The following ITIH5 variants were observed in gnomAD, a reference collection of about 807,000 sequenced individuals.
The protein encoded by ITIH5 is inter-alpha-trypsin inhibitor heavy chain H5.
A neutral mutation model predicts 77.5 loss-of-function variants in ITIH5; 65 were observed. The observed-to-expected ratio is 0.84, with a 90% CI of 0.69 to 1.03. The LOEUF (loss-of-function observed/expected upper bound fraction) is 1.03, where lower values mean the gene tolerates loss of function less well. Ranked by LOEUF, ITIH5 falls within the 50% of genes least tolerant of loss-of-function variation. The probability of loss-of-function intolerance (pLI) is 0.00; values close to 1 mark genes in which losing one functional copy is unlikely to be tolerated. For synonymous variants in ITIH5, 525 were observed against 494.3 expected (o/e 1.06, Z -0.82); for missense variants, 1,208 against 1,213.1 (o/e 1.00, Z 0.06).
intron 12 of ITIH5, among the ~76,000 whole-genome samples, chr10:7,568,986 G>GTTTTC (rs1167992589): frequency 7.1e-6 from 1 of 140,512 alleles, no homozygotes; most frequent in African/African-American, 2.7e-5. Context: ...ATATATTGTG[G>GTTTTC]TTTTCTTTTC....
At chr10:7,662,350 G>C (rs1207375751) in intron 1 of ITIH5, among the ~76,000 whole-genome samples, 1 of 149,704 alleles carries the variant, frequency 6.7e-6, no homozygotes, top group Non-Finnish European at 1.5e-5. Context: ...GAGTGAGACT[G>C]TCTCAAAAAA....
In ITIH5 at chr10:7,610,171, A is replaced by C. The variant is rs1334336136; in HGVS notation, c.939+5811T>G. Among the ~76,000 whole-genome samples, 3 of 145,652 alleles carry C rather than the reference A, an allele frequency of 2.1e-5. No individual in the cohort carries two copies. In the Admixed American group the frequency reaches 2.2e-4, roughly 11 times the overall value. On this transcript the variant is annotated intron_variant, in intron 7 of 13. Coordinates refer to ENST00000397146, the MANE Select transcript of ITIH5 (RefSeq NM_030569.7). ...CCCTGCCTGACCCAACACCACAGCCATCTCTCAACAAACTCATCTGCAAAA... is the reference window on the plus strand; with the variant it reads ...CCCTGCCTGACCCAACACCACAGCCCTCTCTCAACAAACTCATCTGCAAAA...
chr10:7,605,198 G>A (rs962444586), intron 7 of ITIH5, among the ~76,000 whole-genome samples: 7 of 151,520 alleles, frequency 4.6e-5, no homozygotes, highest in South Asian at 2.1e-4. Context: ...TTAGAGACAC[G>A]CTTTCTCCTG....
Position 7,587,610 on chromosome 10 carries a change from G to T in ITIH5, c.940-1541C>A, listed in dbSNP as rs138521089. On this transcript the variant is annotated intron_variant, in intron 7 of 13. Coordinates refer to ENST00000397146, the MANE Select transcript of ITIH5 (RefSeq NM_030569.7). ...CATCCATAAAATCAGGACAGTAATA[G>T]TACCTGCCTCATCAGGTTGTCATGA... is the stretch of plus-strand genomic sequence containing the variant. Among the ~76,000 whole-genome samples, 577 of 152,296 alleles carry T rather than the reference G, an allele frequency of 3.8e-3. 4 individuals carry two copies. The highest frequency in any genetic ancestry group is 0.014 in the African/African-American group (562 of 41,562).
chr10:7,638,661 A>C (rs1206878263), intron 4 of ITIH5, among the ~76,000 whole-genome samples: 2 of 152,276 alleles, frequency 1.3e-5, no homozygotes, highest in Non-Finnish European at 2.9e-5. Flanking sequence ...AATAAAGGTG[A>C]AAGCCAAGAA....
At chr10:7,616,595 A>AG (rs1833371977) in intron 6 of ITIH5, among the ~76,000 whole-genome samples, 1 of 152,140 alleles carries the variant, frequency 6.6e-6, no homozygotes, top group African/African-American at 2.4e-5. Context: ...TGGGAGGCTG[A>AG]GGGGGTCAGA....
At chr10:7,586,571 CG>C (rs1203400981) in intron 7 of ITIH5, among the ~76,000 whole-genome samples, 2 of 152,156 alleles carry the variant, frequency 1.3e-5, no homozygotes, top group Non-Finnish European at 2.9e-5. Context: ...TTCCCTTACT[CG>C]GTTGTGAGTT....
chr10:7,608,976 G>C (rs540575576), intron 7 of ITIH5, among the ~76,000 whole-genome samples: 97 of 152,326 alleles, frequency 6.4e-4, no homozygotes, highest in African/African-American at 2.2e-3. Context: ...CAAAAACAGA[G>C]CCTCAAAGCT....
chr10:7,560,976 T>C lies in ITIH5; in HGVS notation c.*2107A>G, dbSNP rs1267638444. On this transcript the variant is annotated 3_prime_UTR_variant, in exon 14 of 14. Coordinates refer to ENST00000397146, the MANE Select transcript of ITIH5 (RefSeq NM_030569.7). ...CAGAAAATACTATATTTTTTTTTTATCAAATGCAAAGGTCCTAACTATAAG... is the reference window on the plus strand; with the variant it reads ...CAGAAAATACTATATTTTTTTTTTACCAAATGCAAAGGTCCTAACTATAAG... 1 of 144,282 alleles carries C rather than the reference T, an allele frequency of 6.9e-6. No individual in the cohort carries two copies. Among genetic ancestry groups the C allele is most frequent in the East Asian group, 2.1e-4 (1 of 4,830 alleles). 8.9% of individuals were successfully genotyped at this position (144,282 alleles called of 1,614,324 possible).
At chr10:7,625,764 C>CA (rs376876834) in intron 5 of ITIH5, among the ~76,000 whole-genome samples, 14,153 of 117,688 alleles carry the variant, frequency 0.12, 801 homozygotes, top group African/African-American at 0.19. Context: ...TATTCTGTCT[C>CA]AAAAAAAAAA....
At chr10:7,572,398 A>T (rs1464346529) in intron 11 of ITIH5, 1 of 1,364,992 alleles carries the variant, frequency 7.3e-7, no homozygotes, top group Admixed American at 1.9e-5. Context: ...GAAGCCACGA[A>T]CTGAAAAAAA....
Position 7,637,216 on chromosome 10 carries a change from C to A in ITIH5, c.652+12G>T. On this transcript the variant is annotated intron_variant, in intron 5 of 13. Coordinates refer to ENST00000397146, the MANE Select transcript of ITIH5 (RefSeq NM_030569.7). ...ACCACAGATCTGCACGAACCCAGCA[C>A]GCAGGACTCACCTTCCCCGCGCCCA... The A allele has an allele frequency of 6.2e-7, 1 of 1,602,992 alleles. No homozygotes were observed. Among genetic ancestry groups the A allele is most frequent in the Non-Finnish European group, 8.5e-7 (1 of 1,178,846 alleles).
intron 7 of ITIH5, among the ~76,000 whole-genome samples, chr10:7,601,039 T>C (rs1188158055): frequency 6.6e-6 from 1 of 152,242 alleles, no homozygotes; most frequent in African/African-American, 2.4e-5. Context: ...ACACAGACTA[T>C]GGCACCACTA....
At chr10:7,658,393 T>A (rs1208869327) in intron 1 of ITIH5, among the ~76,000 whole-genome samples, 4 of 152,160 alleles carry the variant, frequency 2.6e-5, no homozygotes, top group Admixed American at 1.3e-4. Flanking sequence ...AGAAAAATAG[T>A]ACAGGATTTA....
chr10:7,573,368 T>C lies in ITIH5; in HGVS notation c.1979-173A>G, dbSNP rs114592369. The stretch of plus-strand genomic sequence containing the variant: ...TCAGTCTTAAAAAGGGAGCTTGGCC[T>C]CAAAACACACAAGCAGAGCCAGGCA... On this transcript the variant is annotated intron_variant, in intron 10 of 13. Coordinates refer to ENST00000397146, the MANE Select transcript of ITIH5 (RefSeq NM_030569.7). 1.4e-3 allele frequency among the ~76,000 whole-genome samples: 213 copies of C among 151,698 alleles called. 1 individual carries two copies. The highest frequency in any genetic ancestry group is 2.7e-3 in the South Asian group (13 of 4,792).
At chr10:7,587,857 T>C (rs1454326733) in intron 7 of ITIH5, among the ~76,000 whole-genome samples, 1 of 152,166 alleles carries the variant, frequency 6.6e-6, no homozygotes, top group Non-Finnish European at 1.5e-5. Flanking sequence ...TCATGACTCT[T>C]TGCCTTTCCT....
intron 7 of ITIH5, among the ~76,000 whole-genome samples, chr10:7,612,705 C>T (rs1160696164): frequency 6.7e-6 from 1 of 149,586 alleles, no homozygotes; most frequent in Non-Finnish European, 1.5e-5. Flanking sequence ...TCTGAAGATT[C>T]ATAGGTACCT....
At chr10:7,619,658 G>A (rs1380950467) in intron 5 of ITIH5, 67 of 301,464 alleles carry the variant, frequency 2.2e-4, no homozygotes, top group South Asian at 1.8e-3. Flanking sequence ...CGTCTACAAG[G>A]CGGCAGGAGC....
At chr10:7,609,599 C>T (rs1194151752) in intron 7 of ITIH5, 9 of 392,068 alleles carry the variant, frequency 2.3e-5, no homozygotes, top group South Asian at 1.3e-4. Context: ...GACTAATTCA[C>T]GTTTGCCCTC....
Sources: allele counts gnomAD v4.1 joint callset (sites outside exome capture counted in the v4.1 genomes callset), GRCh38; gene constraint gnomAD v4.1.1; transcripts MANE v1.5; gene names NCBI Gene and HGNC (gene_info 2026-07-23, HGNC 2026-07-21).